ALG12: variants seen among roughly 807,000 people sequenced by gnomAD.
ALG12 encodes dol-P-Man:Man(7)GlcNAc(2)-PP-Dol alpha-1,6-mannosyltransferase.
ALG12 carries 36 observed loss-of-function variants against 46.0 expected under a neutral mutation model. That is an observed-to-expected ratio of 0.78 (90% confidence interval 0.60 to 1.03). The LOEUF (loss-of-function observed/expected upper bound fraction) is 1.03, where lower values mean the gene tolerates loss of function less well. Ranked by LOEUF, ALG12 falls within the 50% of genes least tolerant of loss-of-function variation. The pLI is 0.00. For missense variants in ALG12, 599 were observed against 633.5 expected (o/e 0.95, Z 0.58); for synonymous variants, 326 against 291.6 (o/e 1.12, Z -1.20).
rs149813078 is a variant in ALG12 at position 49,902,514 on chromosome 22, C to CTGTGTGG, written c.*1323_*1324insCCACACA. Reference sequence around the variant, plus strand: ...TATGCATGGTGTGTGCACATGTGCACTGTGTATGCATGGTAATGTGCACGC... The same window carrying CTGTGTGG: ...TATGCATGGTGTGTGCACATGTGCACTGTGTGGTGTGTATGCATGGTAATGTGCACGC... On this transcript the variant is annotated 3_prime_UTR_variant, in exon 10 of 10. Coordinates refer to ENST00000330817, the MANE Select transcript of ALG12 (RefSeq NM_024105.4). The CTGTGTGG allele has an allele frequency of 7.6e-5, 9 of 118,260 alleles. No homozygotes were observed. The highest frequency in any genetic ancestry group is 2.6e-4 in the African/African-American group (6 of 22,704). The allele number at this position is 118,260 out of a possible 1,614,324, so 7.3% of individuals were successfully genotyped here. A position where few individuals can be genotyped will look rare whatever the true frequency, so the allele number is the denominator to read the frequency against.
rs2060537837 is a variant in ALG12 at position 49,905,544 on chromosome 22, T to A, written c.993-1038A>T. On this transcript the variant is annotated intron_variant, in intron 7 of 9. Coordinates refer to ENST00000330817, the MANE Select transcript of ALG12 (RefSeq NM_024105.4). This position sits in a 1 kb window ranked among gnomAD's most constrained non-coding sequence, Gnocchi z 4.9. ...ATACCGAGTGAGTTCTCGAGAGGTCTGCTTGTTTGAAAATGGGTGACACCT... is the reference window on the plus strand; with the variant it reads ...ATACCGAGTGAGTTCTCGAGAGGTCAGCTTGTTTGAAAATGGGTGACACCT... Among the ~76,000 whole-genome samples the A allele has an allele frequency of 3.3e-5, 5 of 152,186 alleles. No homozygotes were observed. Among genetic ancestry groups the A allele is most frequent in the Admixed American group, 3.3e-4 (5 of 15,278 alleles).
At chr22:49,908,951 CAA>C (rs35816147) in intron 6 of ALG12, among the ~76,000 whole-genome samples, 11 of 80,456 alleles carry the variant, frequency 1.4e-4, no homozygotes, top group Admixed American at 2.8e-4. Flanking sequence ...GACTCAGTCT[CAA>C]AAAAAAAAAA....
At chr22:49,912,850 C>T (rs972637771) in intron 3 of ALG12, among the ~76,000 whole-genome samples, 1 of 151,412 alleles carries the variant, frequency 6.6e-6, no homozygotes, top group Admixed American at 6.6e-5. Flanking sequence ...CTAGGTGACA[C>T]AGCAAGGCCC....
chr22:49,902,979 A>C lies in ALG12; in HGVS notation c.*859T>G, dbSNP rs942408784. The C allele has an allele frequency of 3.1e-6, 1 of 326,654 alleles. No individual in the cohort carries two copies. The highest frequency in any genetic ancestry group is 4.8e-5 in the Admixed American group (1 of 20,636). 20.2% of individuals were successfully genotyped at this position (326,654 alleles called of 1,614,324 possible). A position where few individuals can be genotyped will look rare whatever the true frequency, so the allele number is the denominator to read the frequency against. ...GTGTGTGCACGTGTGCACTGTGTGC[A>C]TGCGTGTGTGGTGTGTGTGCATGTA... On this transcript the variant is annotated 3_prime_UTR_variant, in exon 10 of 10. Transcript: ENST00000330817.
At chr22:49,896,312 A>AG (rs1358274460), downstream of ALG12, among the ~76,000 whole-genome samples, 1 of 152,240 alleles carries the variant, frequency 6.6e-6, no homozygotes, top group Non-Finnish European at 1.5e-5. Context: ...CAGGAAATAA[A>AG]GGTTTTTCCA....
At chr22:49,877,932 C>A in the ALG12 span, among the ~76,000 whole-genome samples, 1 of 152,132 alleles carries the variant, frequency 6.6e-6, no homozygotes, top group African/African-American at 2.4e-5. Context: ...GCATAATGAT[C>A]CATTGTAGGG....
rs778688714 is a variant in ALG12 at position 49,903,845 on chromosome 22, G to A, written c.1460C>T (p.Pro487Leu). 84 of 1,614,082 alleles carry A rather than the reference G, an allele frequency of 5.2e-5. No homozygotes were observed. The highest frequency in any genetic ancestry group is 6.3e-5 in the Non-Finnish European group (74 of 1,180,020). The stretch of plus-strand genomic sequence containing the variant: ...AGGGCTGCCTGGTCCCCCTCAGGAC[G>A]GCCGGGGGAGCCTCTCCAGAAGCAC... ...KLVLLERLPR[P>L]S Residue 487 changes from proline to leucine, a missense_variant, in exon 10 of 10, where the codon CCG (proline) becomes CTG (leucine). Pro to Leu is a moderately conservative substitution (Grantham distance 98). Transcript: ENST00000330817.
the ALG12 span, among the ~76,000 whole-genome samples, chr22:49,894,365 TAA>T: frequency 6.6e-6 from 1 of 152,170 alleles, no homozygotes; most frequent in Non-Finnish European, 1.5e-5. Flanking sequence ...GCAAGCATAT[TAA>T]ATGTAAGTGG....
At position 49,909,392 on chromosome 22, in the gene ALG12, A is replaced by G. The variant is rs374468521; in HGVS notation, c.665-45T>C. ...TTTCTTAGTCGCAAACACAGCCATC[A>G]GTAAACATCCCGCCACAATGCAGCC... On this transcript the variant is annotated intron_variant, in intron 5 of 9. Coordinates refer to ENST00000330817, the MANE Select transcript of ALG12 (RefSeq NM_024105.4). 8 of 1,558,078 alleles carry G rather than the reference A, an allele frequency of 5.1e-6. No homozygotes were observed. The African/African-American group carries it at 9.5e-5, about 19-fold the overall frequency.
the ALG12 span, among the ~76,000 whole-genome samples, chr22:49,861,874 T>G: frequency 1.3e-5 from 2 of 152,174 alleles, no homozygotes; most frequent in Non-Finnish European, 2.9e-5. Flanking sequence ...GTGAGGACTG[T>G]CTTCAGGTCT....
chr22:49,870,865 C>G, the ALG12 span, among the ~76,000 whole-genome samples: 1 of 152,002 alleles, frequency 6.6e-6, no homozygotes, highest in Non-Finnish European at 1.5e-5. Flanking sequence ...CTGTTACAAT[C>G]CACTCAATTA....
At chr22:49,885,210 G>A in the ALG12 span, 2 of 1,613,860 alleles carry the variant, frequency 1.2e-6, no homozygotes, top group Non-Finnish European at 1.7e-6. Context: ...AGGGCTTCCT[G>A]GGTGCAAGTC....
downstream of ALG12, among the ~76,000 whole-genome samples, chr22:49,897,939 G>C (rs964408072): frequency 6.6e-6 from 1 of 152,020 alleles, no homozygotes; most frequent in South Asian, 2.1e-4. Flanking sequence ...GATTACAGGC[G>C]TGAGCCACCA....
Position 49,909,938 on chromosome 22 carries a change from A to G in ALG12, c.620T>C (p.Val207Ala). 1 of 1,614,136 alleles carries G rather than the reference A, an allele frequency of 6.2e-7. No homozygotes were observed. The highest frequency in any genetic ancestry group is 8.5e-7 in the Non-Finnish European group (1 of 1,180,012). Reference protein sequence around the residue: ...LALGNRKVSVVRALRHAVPAG... With the variant: ...LALGNRKVSVARALRHAVPAG... ...CGGGACGGCGTGGCGAAGGGCTCTG[A>G]CTACAGAAACCTTTCGGTTGCCCAA... is the stretch of plus-strand genomic sequence containing the variant. The change falls in exon 5 of 10, where the codon GTC becomes GCC. Residue 207 changes from valine (V) to alanine (A), a missense_variant. Val to Ala is a moderately conservative substitution (Grantham distance 64, BLOSUM62 0). Transcript: ENST00000330817.
chr22:49,893,864 G>T, the ALG12 span, among the ~76,000 whole-genome samples: 5 of 152,200 alleles, frequency 3.3e-5, no homozygotes. Context: ...TGAAAGTATG[G>T]ATTTCAAGTA....
At chr22:49,910,345 G>T (rs2146608449) in intron 4 of ALG12, 89 bp downstream of exon 4, 1 of 1,509,918 alleles carries the variant, frequency 6.6e-7, no homozygotes. Context: ...GCCATTACGG[G>T]GGAGGCACTG....
Position 49,906,458 on chromosome 22 carries a change from C to T in ALG12, c.992+1263G>A, listed in dbSNP as rs761464470. 1.1e-3 allele frequency among the ~76,000 whole-genome samples: 161 copies of T among 152,126 alleles called. 1 individual carries two copies. Among genetic ancestry groups the T allele is most frequent in the Non-Finnish European group, 2.2e-3 (148 of 68,006 alleles). On this transcript the variant is annotated intron_variant, in intron 7 of 9. Coordinates refer to ENST00000330817, the MANE Select transcript of ALG12 (RefSeq NM_024105.4). This position sits in a 1 kb window ranked among gnomAD's most constrained non-coding sequence, Gnocchi z 4.4. ...GGAGCCCCCAACCCAGGCACGGCCA[C>T]GGCAGCCGGAGGAACCCCCAGCGAG... is the stretch of plus-strand genomic sequence containing the variant.
chr22:49,890,882 G>A, the ALG12 span, among the ~76,000 whole-genome samples: 5 of 152,222 alleles, frequency 3.3e-5, no homozygotes, highest in South Asian at 2.1e-4. Flanking sequence ...TTAGCTGGGC[G>A]TGGTGGCAGG....
At chr22:49,915,364 C>G (rs996205331) in intron 1 of ALG12, among the ~76,000 whole-genome samples, 1 of 152,030 alleles carries the variant, frequency 6.6e-6, no homozygotes, top group African/African-American at 2.4e-5. Context: ...CAAGACCATC[C>G]TGGCCAACAT....
Sources: gnomAD v4.1 joint callset for allele counts (sites outside exome capture counted in the v4.1 genomes callset) on GRCh38, gnomAD v4.1.1 for gene constraint, Gnocchi (gnomAD v3.1) non-coding constraint, MANE v1.5 for transcripts, NCBI Gene and HGNC (gene_info 2026-07-23, HGNC 2026-07-21) for gene names.